Variants in CYP2A6 observed in about 807,000 individuals in gnomAD.
CYP2A6 encodes the protein cytochrome P450 2A6.
A neutral mutation model predicts 42.3 loss-of-function variants in CYP2A6; 27 were observed. The ratio of observed to expected loss-of-function variants is 0.64; its 90% CI spans 0.47 to 0.88. The LOEUF is 0.88. CYP2A6 is among the 40% of genes least tolerant of loss of function. The probability of loss-of-function intolerance (pLI) is 0.00; values close to 1 mark genes in which losing one functional copy is unlikely to be tolerated. For missense variants in CYP2A6, 628 were observed against 646.0 expected, an observed-to-expected ratio of 0.97 and a Z score of 0.30; for synonymous variants, 238 against 246.3, an observed-to-expected ratio of 0.97 and a Z score of 0.31.
rs1599779772 is a variant in CYP2A6 at position 40,848,726 on chromosome 19, G to T, written c.381C>A (p.Leu127=). 1 of 1,611,770 alleles carries T rather than the reference G, an allele frequency of 6.2e-7. No individual in the cohort carries two copies. The highest frequency in any genetic ancestry group is 8.5e-7 in the Non-Finnish European group (1 of 1,179,868). ...VFSNGERAKQ[L]RRFSIATLRD... ...GCAGGGTGGCGATGGAGAAGCGCCG[G>T]AGCTGCTTGGCGCGCTCCCCGTTGC... Residue 127 remains leucine, a synonymous_variant, in exon 3 of 9, where the codon CTC becomes CTA. Coordinates refer to ENST00000301141, the MANE Select transcript of CYP2A6 (RefSeq NM_000762.6).
At chr19:40,847,798 A>C (rs1325327043) in intron 4 of CYP2A6, among the ~76,000 whole-genome samples, 3 of 151,484 alleles carry the variant, frequency 2.0e-5, no homozygotes, top group Non-Finnish European at 2.9e-5. Flanking sequence ...ATGTGAAATG[A>C]TTATGATGGG....
chr19:40,847,202 T>C (rs56113850), intron 4 of CYP2A6, 151 bp from the exon 5 acceptor site: 654,644 of 1,201,092 alleles, frequency 0.55, 184,585 homozygotes, highest in Admixed American at 0.59. Flanking sequence ...GATAGGAACT[T>C]ATATCTAAGT....
intron 4 of CYP2A6, 80 bp downstream of exon 4, chr19:40,848,139 T>A: frequency 1.3e-6 from 2 of 1,580,660 alleles, no homozygotes; most frequent in South Asian, 2.3e-5. Flanking sequence ...GCGGTGGGAG[T>A]TTGGGGCACC....
Position 40,848,614 on chromosome 19 carries a change from C to T in CYP2A6, c.493G>A (p.Gly165Ser). ...FLIDALRGTG[G>S]ANIDPTFFLS... ...CCCGCACTCGGGGTCCCCTGCTCAC[C>T]GCCAGTGCCCCGGAGGGCGTCGATG... is the stretch of plus-strand genomic sequence containing the variant. The change falls in exon 3 of 9, where the codon GGC becomes AGC. Residue 165 changes from glycine to serine, a missense_variant and splice_region_variant. Gly to Ser is a moderately conservative substitution (Grantham distance 56). Transcript: ENST00000301141. 3 of 1,611,076 alleles carry T rather than the reference C, an allele frequency of 1.9e-6. No homozygotes were observed. The highest frequency in any genetic ancestry group is 1.7e-5 in the Admixed American group (1 of 59,968).
At chr19:40,849,011 A>AG (rs1332332247) in intron 2 of CYP2A6, among the ~76,000 whole-genome samples, 25 of 50,734 alleles carry the variant, frequency 4.9e-4, no homozygotes, top group East Asian at 2.4e-3. Context: ...AGAGAGAGAG[A>AG]AGAGAGAGAG....
Position 40,844,866 on chromosome 19 carries a change from A to G in CYP2A6, c.1162-94T>C, listed in dbSNP as rs1041263061. Reference sequence around the variant, plus strand: ...GAGGGGGAACTAGTGTGCCCCAGGTAAGGGGAAGTGGCAGGCATGGAGGAG... The same window carrying G: ...GAGGGGGAACTAGTGTGCCCCAGGTGAGGGGAAGTGGCAGGCATGGAGGAG... On this transcript the variant is annotated intron_variant, in intron 7 of 8. Transcript: ENST00000301141. 1.1e-5 allele frequency: 16 copies of G among 1,487,838 alleles called. No individual in the cohort carries two copies. The Admixed American group carries it at 1.4e-4, about 13-fold the overall frequency. The allele number at this position is 1,487,838 out of a possible 1,614,324, so 92.2% of individuals were successfully genotyped here.
chr19:40,849,002 G>GA (rs1327227369), intron 2 of CYP2A6, among the ~76,000 whole-genome samples: 80 of 108,652 alleles, frequency 7.4e-4, no homozygotes, highest in Non-Finnish European at 9.1e-4. Flanking sequence ...GAGAGAGAGA[G>GA]AGAGAGAGAA....
At position 40,848,629 on chromosome 19, in the gene CYP2A6, G is replaced by T. The variant is rs60563539; in HGVS notation, c.478C>A (p.Leu160Ile). 6.6e-4 allele frequency: 1,052 copies of T among 1,600,476 alleles called. 6 individuals are homozygous for T. Among genetic ancestry groups the T allele is most frequent in the Non-Finnish European group, 8.6e-4 (1,010 of 1,174,682 alleles). ...QEEAGFLIDA[L>I]RGTGGANIDP... Reference sequence around the variant, plus strand: ...CCCTGCTCACCGCCAGTGCCCCGGAGGGCGTCGATGAGGAAGCCCGCCTCC... The same window carrying T: ...CCCTGCTCACCGCCAGTGCCCCGGATGGCGTCGATGAGGAAGCCCGCCTCC... Residue 160 changes from leucine (L) to isoleucine (I), a missense_variant, in exon 3 of 9, where the codon CTC becomes ATC. Coordinates refer to ENST00000301141, the MANE Select transcript of CYP2A6 (RefSeq NM_000762.6).
Position 40,848,077 on chromosome 19 carries a change from T to C in CYP2A6, c.654+142A>G, listed in dbSNP as rs944938629. 17 of 1,440,434 alleles carry C rather than the reference T, an allele frequency of 1.2e-5. 1 individual carries two copies. Among genetic ancestry groups the C allele is most frequent in the East Asian group, 7.5e-5 (3 of 40,200 alleles). The allele number at this position is 1,440,434 out of a possible 1,614,324, so 89.2% of individuals were successfully genotyped here. On this transcript the variant is annotated intron_variant, in intron 4 of 8. Coordinates refer to ENST00000301141, the MANE Select transcript of CYP2A6 (RefSeq NM_000762.6). ...CATCCATCCTGGGTTCTGGTGCAAC[T>C]GTCCAGTTGTCCAATATCGGGGACT...
At chr19:40,849,282 T>C (rs1313303982) in intron 2 of CYP2A6, among the ~76,000 whole-genome samples, 1 of 150,390 alleles carries the variant, frequency 6.6e-6, no homozygotes, top group Non-Finnish European at 1.5e-5. Context: ...GAAATAAAAA[T>C]GGTGAAAGAT....
At chr19:40,849,772 C>A (rs1445846592) in intron 2 of CYP2A6, 46 bp downstream of exon 2, 1 of 1,606,638 alleles carries the variant, frequency 6.2e-7, no homozygotes, top group South Asian at 1.1e-5. Flanking sequence ...ACACTGAGAC[C>A]TTCGTGTCCA....
rs764834424 is a variant in CYP2A6 at position 40,850,016 on chromosome 19, G to A, written c.181-36C>T. On this transcript the variant is annotated intron_variant, in intron 1 of 8. Coordinates refer to ENST00000301141, the MANE Select transcript of CYP2A6 (RefSeq NM_000762.6). ...TGGGTGGGAGTGGTTAGAGGGAGAA[G>A]CCTCCACTCTGAATGGGGCCCAGCA... The A allele has an allele frequency of 7.5e-6, 12 of 1,606,896 alleles. 2 individuals carry two copies. In the East Asian group the frequency reaches 2.8e-4, roughly 37 times the overall value.
Position 40,843,953 on chromosome 19 carries a change from C to T in CYP2A6, c.1328G>A (p.Gly443Asp), listed in dbSNP as rs780656395. 1 of 1,608,484 alleles carries T rather than the reference C, an allele frequency of 6.2e-7. No homozygotes were observed. The highest frequency in any genetic ancestry group is 1.3e-5 in the African/African-American group (1 of 74,400). The part of the protein sequence containing the change: ...SIGKRNCFGE[G>D]LARMELFLFF... ...GAGAAAGAGCTCCATTCTGGCCAGG[C>T]CTTCTCCGAAACAGTTCCGCTTTCC... Residue 443 changes from glycine to aspartate, a missense_variant, in exon 9 of 9, where the codon GGC becomes GAC. Physicochemically the swap from Gly to Asp is moderately conservative, Grantham distance 94. Transcript: ENST00000301141.
At chr19:40,845,622 C>A in intron 6 of CYP2A6, 141 bp from the exon 7 acceptor site, 1 of 1,386,496 alleles carries the variant, frequency 7.2e-7, no homozygotes, top group Non-Finnish European at 9.7e-7. Context: ...CAGACATCAG[C>A]CATTCGCATT....
chr19:40,849,373 G>T (rs1967180265), intron 2 of CYP2A6, among the ~76,000 whole-genome samples: 1 of 151,436 alleles, frequency 6.6e-6, no homozygotes. Flanking sequence ...CTGTTACCAG[G>T]AGATGGAGGC....
intron 7 of CYP2A6, 70 bp from the exon 8 acceptor site, chr19:40,844,842 A>AG (rs1215287254): frequency 1.3e-6 from 2 of 1,545,186 alleles, no homozygotes; most frequent in East Asian, 4.8e-5. Context: ...CAGGGGCTGG[A>AG]GGGGGAACTA....
chr19:40,850,410 A>G lies in CYP2A6; in HGVS notation c.17T>C (p.Met6Thr), dbSNP rs760760778. 1 of 1,609,676 alleles carries G rather than the reference A, an allele frequency of 6.2e-7. No individual in the cohort carries two copies. Among genetic ancestry groups the G allele is most frequent in the Non-Finnish European group, 8.5e-7 (1 of 1,178,536 alleles). ...GCAGACCAGCAAGGCCACCAGAAGC[A>G]TCCCTGAGGCCAGCATGGTGGTAGT... MLASGMLLVALLVCLT... is the reference protein window; with the variant it reads MLASGTLLVALLVCLT... Residue 6 changes from methionine (M) to threonine (T), a missense_variant, in exon 1 of 9, where the codon ATG (methionine) becomes ACG (threonine). By Grantham distance (81) the Met-to-Thr change is moderately conservative. Around this residue, in one of 2 missense-constraint regions of CYP2A6, gnomAD observed 606 missense variants for 568.1 expected, o/e 1.07. Transcript: ENST00000301141.
At chr19:40,846,772 G>A in intron 5 of CYP2A6, 103 bp downstream of exon 5, 1 of 1,487,012 alleles carries the variant, frequency 6.7e-7, no homozygotes, top group Non-Finnish European at 9.0e-7. Flanking sequence ...TTATTATGAT[G>A]AGGGTTAATT....
chr19:40,845,398 C>A lies in CYP2A6; in HGVS notation c.1057G>T (p.Glu353Ter), dbSNP rs1375963411. ...CTTTGGATCTCGTGGATCACTGCCT[C>A]CATGTAGGGCATCTTGGCCCGGTCC... is the stretch of plus-strand genomic sequence containing the variant. ...FEDRAKMPYM[E>*]AVIHEIQRFG... The change falls in exon 7 of 9, where the codon GAG (glutamate) becomes TAG (stop). Residue 353 changes from glutamate (E) to a stop codon, truncating the protein, a stop_gained. Coordinates refer to ENST00000301141, the MANE Select transcript of CYP2A6 (RefSeq NM_000762.6). LOFTEE classifies it high-confidence loss of function. 6.2e-7 allele frequency: 1 copy of A among 1,611,646 alleles called. No individual in the cohort carries two copies.
Sources: gnomAD v4.1 joint callset for allele counts (sites outside exome capture counted in the v4.1 genomes callset) on GRCh38, gnomAD v4.1.1 for gene constraint, gnomAD v4.1.1 regional missense constraint, MANE v1.5 for transcripts, NCBI Gene and HGNC (gene_info 2026-07-23, HGNC 2026-07-21) for gene names.